The following TNIK variants were observed in gnomAD, a reference collection of about 807,000 sequenced individuals.
TNIK encodes TRAF2 and NCK interacting kinase.
A neutral mutation model predicts 191.3 loss-of-function variants in TNIK; 49 were observed. That is an observed-to-expected ratio of 0.26 (90% CI 0.20 to 0.32). TNIK has a LOEUF of 0.32. Ranked by LOEUF, TNIK falls within the 10% of genes least tolerant of loss-of-function variation. The pLI is 1.00. For synonymous variants in TNIK, 594 were observed against 600.9 expected, an observed-to-expected ratio of 0.99 and a Z score of 0.17; for missense variants, 1,155 against 1,702.3, an observed-to-expected ratio of 0.68 and a Z score of 5.66.
At chr3:171,356,430 A>G (rs1376178310) in intron 2 of TNIK, among the ~76,000 whole-genome samples, 2 of 152,322 alleles carry the variant, frequency 1.3e-5, no homozygotes, top group African/African-American at 4.8e-5. Context: ...CAGTGTCCCC[A>G]TTTACTAAGA....
chr3:171,078,467 C>T (rs1049986188), intron 28 of TNIK, among the ~76,000 whole-genome samples: 2 of 151,180 alleles, frequency 1.3e-5, no homozygotes, highest in Non-Finnish European at 2.9e-5. Context: ...AATGACTTTC[C>T]CCTACTTTGT....
At chr3:171,311,054 T>C (rs1753961223) in intron 2 of TNIK, among the ~76,000 whole-genome samples, 5 of 152,164 alleles carry the variant, frequency 3.3e-5, no homozygotes, top group Admixed American at 2.0e-4. Context: ...ATTAAAATTC[T>C]GGTGGGATGG....
intron 4 of TNIK, among the ~76,000 whole-genome samples, chr3:171,207,966 T>G (rs1740305881): frequency 6.6e-6 from 1 of 152,158 alleles, no homozygotes; most frequent in Non-Finnish European, 1.5e-5. Context: ...CAGTCTTTTA[T>G]GAGGAGCAAG....
chr3:171,245,708 T>A (rs142100166), intron 2 of TNIK, among the ~76,000 whole-genome samples: 1 of 152,334 alleles, frequency 6.6e-6, no homozygotes, highest in African/African-American at 2.4e-5. Context: ...CTATAGATCA[T>A]CTCATTTGCT....
chr3:171,439,210 G>T (rs952221739), intron 1 of TNIK, among the ~76,000 whole-genome samples: 13 of 151,934 alleles, frequency 8.6e-5, no homozygotes, highest in African/African-American at 2.9e-4. Flanking sequence ...TGGGCATGGT[G>T]GTGGATGCCT....
At chr3:171,171,487 C>T (rs911684676) in intron 9 of TNIK, among the ~76,000 whole-genome samples, 2 of 152,226 alleles carry the variant, frequency 1.3e-5, no homozygotes, top group African/African-American at 4.8e-5. Context: ...TGGGCCTGCA[C>T]ACCTGCATCT....
chr3:171,201,583 A>G (rs1334194278), intron 4 of TNIK, among the ~76,000 whole-genome samples: 2 of 152,170 alleles, frequency 1.3e-5, no homozygotes, highest in Non-Finnish European at 2.9e-5. Context: ...ACAAAGTCCA[A>G]ACTCAGTAAC....
Position 171,433,908 on chromosome 3 carries a change from T to C in TNIK, c.57+26099A>G, listed in dbSNP as rs1451965306. Among the ~76,000 whole-genome samples, 5 of 151,256 alleles carry C rather than the reference T, an allele frequency of 3.3e-5. No individual in the cohort carries two copies. The South Asian group carries it at 8.3e-4, about 25-fold the overall frequency. Reference sequence around the variant, plus strand: ...TCTAGATATTTTACACTTATTATTATTAAGAATATCTGTTTTCTTTTCTTT... The same window carrying C: ...TCTAGATATTTTACACTTATTATTACTAAGAATATCTGTTTTCTTTTCTTT... On this transcript the variant is annotated intron_variant, in intron 1 of 32. Coordinates refer to ENST00000436636, the MANE Select transcript of TNIK (RefSeq NM_015028.4).
intron 2 of TNIK, among the ~76,000 whole-genome samples, chr3:171,354,423 C>T (rs1713700954): frequency 6.6e-6 from 1 of 152,134 alleles, no homozygotes; most frequent in African/African-American, 2.4e-5. Flanking sequence ...AAGAAAACCT[C>T]CAGGACCTCG....
At position 171,301,692 on chromosome 3, in the gene TNIK, A is replaced by T. The variant is rs1752903913; in HGVS notation, c.123+67928T>A. 2.0e-5 allele frequency among the ~76,000 whole-genome samples: 3 copies of T among 152,240 alleles called. No individual in the cohort carries two copies. The South Asian group carries it at 6.2e-4, about 31-fold the overall frequency. ...AGGGAACTCTTCTATACTGAAGAAGACTAAAGAGAGACAGAACAACTAAAG... is the reference window on the plus strand; with the variant it reads ...AGGGAACTCTTCTATACTGAAGAAGTCTAAAGAGAGACAGAACAACTAAAG... On this transcript the variant is annotated intron_variant, in intron 2 of 32. Transcript: ENST00000436636.
intron 3 of TNIK, among the ~76,000 whole-genome samples, chr3:171,212,534 T>A (rs1012793281): frequency 6.6e-6 from 1 of 152,164 alleles, no homozygotes; most frequent in African/African-American, 2.4e-5. Context: ...CCAGCAAAGC[T>A]CCCTGATCTG....
intron 4 of TNIK, among the ~76,000 whole-genome samples, chr3:171,198,316 T>A (rs1414566664): frequency 6.6e-6 from 1 of 151,562 alleles, no homozygotes; most frequent in Non-Finnish European, 1.5e-5. Flanking sequence ...TATGATTCCA[T>A]TTACATGAAA....
intron 1 of TNIK, among the ~76,000 whole-genome samples, chr3:171,411,449 A>T (rs1394439415): frequency 6.6e-6 from 1 of 152,172 alleles, no homozygotes; most frequent in Non-Finnish European, 1.5e-5. Context: ...ACTGGCAATC[A>T]TCAAATATAT....
chr3:171,131,168 C>G (rs2108592506), intron 15 of TNIK, among the ~76,000 whole-genome samples: 1 of 151,222 alleles, frequency 6.6e-6, no homozygotes, highest in East Asian at 1.9e-4. Context: ...GAAACCCCGT[C>G]TCTACTAAAA....
intron 19 of TNIK, 139 bp from the exon 20 acceptor site, chr3:171,108,301 G>A: frequency 1.7e-6 from 1 of 593,484 alleles, no homozygotes; most frequent in Non-Finnish European, 2.7e-6. Context: ...AAATCCTCAA[G>A]AAACATCCAT....
rs565261443 is a variant in TNIK, at chr3:171,096,889, G to A, written c.2592-2921C>T. 2.0e-4 allele frequency among the ~76,000 whole-genome samples: 30 copies of A among 152,300 alleles called. No homozygotes were observed. The South Asian group carries it at 6.2e-3, about 32-fold the overall frequency. On this transcript the variant is annotated intron_variant, in intron 22 of 32. Transcript: ENST00000436636. The stretch of plus-strand genomic sequence containing the variant: ...AACAGAGATTTCATTCAGATTTATT[G>A]TAAAAATATAGCTCTTCTGTGAATT...
intron 8 of TNIK, among the ~76,000 whole-genome samples, chr3:171,176,431 T>C (rs1735964486): frequency 6.6e-6 from 1 of 152,158 alleles, no homozygotes; most frequent in Non-Finnish European, 1.5e-5. Flanking sequence ...ACACCAAGGA[T>C]ATTACTGGGT....
intron 2 of TNIK, among the ~76,000 whole-genome samples, chr3:171,268,294 AC>A (rs1748641925): frequency 6.6e-6 from 1 of 151,896 alleles, no homozygotes; most frequent in Admixed American, 6.6e-5. Context: ...AGAATCCCTC[AC>A]CTTTGCTATG....
rs1718815583 is a variant in TNIK, at chr3:171,068,884, A to G, written c.3663T>C (p.Asp1221=). 6.2e-7 allele frequency: 1 copy of G among 1,613,674 alleles called. No homozygotes were observed. The highest frequency in any genetic ancestry group is 1.3e-5 in the African/African-American group (1 of 74,932). Residue 1221 remains aspartate, a synonymous_variant, in exon 30 of 33, where the codon GAT becomes GAC. Transcript: ENST00000436636. The part of the protein sequence containing the change: ...SHTGFHVIDV[D]SGNSYDIYIP... ...TGTAGATATCATAAGAGTTTCCTGA[A>G]TCAACATCAATTACATGGAAACCAG...
Sources: gnomAD v4.1 joint callset for allele counts (sites outside exome capture counted in the v4.1 genomes callset) on GRCh38, gnomAD v4.1.1 for gene constraint, MANE v1.5 for transcripts, NCBI Gene and HGNC (gene_info 2026-07-23, HGNC 2026-07-21) for gene names.